TPRN: variants seen among roughly 807,000 people sequenced by gnomAD.
TPRN encodes chromosome 9 open reading frame 75.
Under a neutral mutation model 42.6 loss-of-function variants are expected in TPRN, and 32 were observed. The ratio of observed to expected loss-of-function variants is 0.75; its 90% CI spans 0.57 to 1.01. TPRN has a LOEUF of 1.01. Ranked by LOEUF, TPRN falls within the 50% of genes least tolerant of loss-of-function variation. The pLI, the probability that TPRN is intolerant of heterozygous loss-of-function variation, is 0.00. For synonymous variants in TPRN, 541 were observed against 445.6 expected (o/e 1.21, Z -2.70); for missense variants, 1,095 against 957.5 (o/e 1.14, Z -1.90).
intron 2 of TPRN, 37 bp downstream of exon 2, chr9:137,192,414 C>T (rs768423717): frequency 1.2e-6 from 2 of 1,610,912 alleles, no homozygotes; most frequent in Admixed American, 1.7e-5. Flanking sequence ...CAGGCTCCAC[C>T]CCTCCCAGGC....
Position 137,192,530 on chromosome 9 carries a change from G to A in TPRN, c.1887C>T (p.Pro629=). The change falls in exon 2 of 4, where the codon CCC becomes CCT. Residue 629 remains proline, a synonymous_variant. Coordinates refer to ENST00000409012, the MANE Select transcript of TPRN (RefSeq NM_001128228.3). The stretch of plus-strand genomic sequence containing the variant: ...TGGCCCGGGGCAGGAAGAGTGCAAA[G>A]GGCTTCTCCTCTGAGCCGGATCCCT... The part of the protein sequence containing the change: ...EEEGSGSEEK[P]FALFLPRATF... The A allele has an allele frequency of 6.2e-7, 1 of 1,608,042 alleles. No homozygotes were observed. The highest frequency in any genetic ancestry group is 8.5e-7 in the Non-Finnish European group (1 of 1,177,448).
Position 137,191,724 on chromosome 9 carries a change from A to T in TPRN, c.*388T>A. 1.3e-5 allele frequency: 5 copies of T among 373,840 alleles called. No homozygotes were observed. The highest frequency in any genetic ancestry group is 2.6e-5 in the Non-Finnish European group (5 of 192,784). The allele number at this position is 373,840 out of a possible 1,614,324, so 23.2% of individuals were successfully genotyped here. A position where few individuals can be genotyped will look rare whatever the true frequency, so the allele number is the denominator to read the frequency against. On this transcript the variant is annotated 3_prime_UTR_variant, in exon 4 of 4. Transcript: ENST00000409012. ...GCAGGGGCTTAGGGTCCTGCAGAGG[A>T]CAAGTAGCTGGGACAGCCCTTCACC...
chr9:137,199,653 C>T lies in TPRN; in HGVS notation c.1059G>A (p.Leu353=). 6.3e-7 allele frequency: 1 copy of T among 1,579,506 alleles called. No homozygotes were observed. The part of the protein sequence containing the change: ...PPPEGRQSVE[L]PKGDLGPASP... ...AGGCCGGGCCCAGGTCTCCCTTTGG[C>T]AGCTCCACGGACTGCCTCCCCTCAG... Residue 353 remains leucine, a synonymous_variant, in exon 1 of 4, where the codon CTG becomes CTA. Coordinates refer to ENST00000409012, the MANE Select transcript of TPRN (RefSeq NM_001128228.3).
Position 137,192,527 on chromosome 9 carries a change from A to C in TPRN, c.1890T>G (p.Phe630Leu). Residue 630 changes from phenylalanine (F) to leucine (L), a missense_variant, in exon 2 of 4, where the codon TTT becomes TTG. By Grantham distance (22) the Phe-to-Leu change is conservative (BLOSUM62 0). Coordinates refer to ENST00000409012, the MANE Select transcript of TPRN (RefSeq NM_001128228.3). The part of the protein sequence containing the change: ...EEGSGSEEKP[F>L]ALFLPRATFV... ...ACGTGGCCCGGGGCAGGAAGAGTGC[A>C]AAGGGCTTCTCCTCTGAGCCGGATC... 6.2e-7 allele frequency: 1 copy of C among 1,607,670 alleles called. No homozygotes were observed. The highest frequency in any genetic ancestry group is 8.5e-7 in the Non-Finnish European group (1 of 1,177,298).
In TPRN at chr9:137,199,785, G is replaced by A. The variant is rs1039638720; in HGVS notation, c.927C>T (p.Thr309=). 4 of 1,608,426 alleles carry A rather than the reference G, an allele frequency of 2.5e-6. No individual in the cohort carries two copies. Among genetic ancestry groups the A allele is most frequent in the Non-Finnish European group, 3.4e-6 (4 of 1,178,194 alleles). ...GGGCCTGGAGGTCCCCCAAGGGGAT[G>A]GTCTCCATAACTGGCTTGGGGGCCG... The part of the protein sequence containing the change: ...IRPAPKPVME[T]IPLGDLQARA... Residue 309 remains threonine (T), a synonymous_variant, in exon 1 of 4, where the codon ACC becomes ACT. Transcript: ENST00000409012.
Position 137,199,097 on chromosome 9 carries a change from C to T in TPRN, c.1615G>A (p.Gly539Arg). The T allele has an allele frequency of 6.2e-7, 1 of 1,613,272 alleles. No homozygotes were observed. Among genetic ancestry groups the T allele is most frequent in the Non-Finnish European group, 8.5e-7 (1 of 1,179,994 alleles). Reference sequence around the variant, plus strand: ...GGGTAGCGCTTCTTCAACGTGGGCCCCAGGAGGCAACTAGCCTCCTCCTCC... The same window carrying T: ...GGGTAGCGCTTCTTCAACGTGGGCCTCAGGAGGCAACTAGCCTCCTCCTCC... ...AEEEEASCLLGPTLKKRYPTV... is the reference protein window; with the variant it reads ...AEEEEASCLLRPTLKKRYPTV... The change falls in exon 1 of 4, where the codon GGG becomes AGG. Residue 539 changes from glycine (G) to arginine (R), a missense_variant. Physicochemically the swap from Gly to Arg is moderately radical, Grantham distance 125. Transcript: ENST00000409012.
chr9:137,192,525 G>A lies in TPRN; in HGVS notation c.1892C>T (p.Ala631Val). Residue 631 changes from alanine (A) to valine (V), a missense_variant, in exon 2 of 4, where the codon GCA (alanine) becomes GTA (valine). Physicochemically the swap from Ala to Val is moderately conservative, Grantham distance 64 (BLOSUM62 0). Coordinates refer to ENST00000409012, the MANE Select transcript of TPRN (RefSeq NM_001128228.3). ...AAACGTGGCCCGGGGCAGGAAGAGT[G>A]CAAAGGGCTTCTCCTCTGAGCCGGA... ...EGSGSEEKPF[A>V]LFLPRATFVS... is the part of the protein sequence containing the mutation. The A allele has an allele frequency of 6.2e-7, 1 of 1,607,374 alleles. No homozygotes were observed. Among genetic ancestry groups the A allele is most frequent in the Non-Finnish European group, 8.5e-7 (1 of 1,177,098 alleles).
chr9:137,192,423 G>A (rs532572870), intron 2 of TPRN, 28 bp downstream of exon 2: 2 of 1,609,812 alleles, frequency 1.2e-6, no homozygotes, highest in African/African-American at 2.7e-5. Context: ...CCCCTCCCAG[G>A]CTGCCTGTCC....
In TPRN at chr9:137,200,340, C is replaced by G. The variant is rs1834786780; in HGVS notation, c.372G>C (p.Leu124=). ...CGCGGCCGGGCGGCGCCCCGTACAC[C>G]AGCACCTCGGCGGCGCGGATCTGCG... ...GAAQIRAAEV[L]VYGAPPGRVS... The change falls in exon 1 of 4, where the codon CTG becomes CTC. Residue 124 remains leucine, a synonymous_variant. Coordinates refer to ENST00000409012, the MANE Select transcript of TPRN (RefSeq NM_001128228.3). The surrounding 1 kb of genome is among the most constrained non-coding windows in gnomAD (Gnocchi z 4.3). 1 of 1,031,424 alleles carries G rather than the reference C, an allele frequency of 9.7e-7. No individual in the cohort carries two copies. Among genetic ancestry groups the G allele is most frequent in the African/African-American group, 1.8e-5 (1 of 56,676 alleles). 63.9% of individuals were successfully genotyped at this position (1,031,424 alleles called of 1,614,324 possible). A position where few individuals can be genotyped will look rare whatever the true frequency, so the allele number is the denominator to read the frequency against.
intron 1 of TPRN, chr9:137,194,645 GGCGGT>G (rs1301798679): frequency 6.6e-6 from 1 of 152,312 alleles, no homozygotes; most frequent in East Asian, 1.9e-4. Flanking sequence ...AGCCTGGCCA[GGCGGT>G]GCGGGGCGGG....
In TPRN at chr9:137,200,602, G is replaced by A; in HGVS notation, c.110C>T (p.Ala37Val). 8.6e-7 allele frequency: 1 copy of A among 1,158,342 alleles called. No individual in the cohort carries two copies. Among genetic ancestry groups the A allele is most frequent in the Non-Finnish European group, 1.1e-6 (1 of 944,426 alleles). The allele number at this position is 1,158,342 out of a possible 1,614,324, so 71.8% of individuals were successfully genotyped here. The stretch of plus-strand genomic sequence containing the variant: ...CTCGGGCTCCGCCGCCCCGGGCCCC[G>A]CGCCCCCGCCCAGCGCGGCTAGCTT... ...RAKLAALGGG[A>V]GPGAAEPEQR... Residue 37 changes from alanine to valine, a missense_variant, in exon 1 of 4, where the codon GCG becomes GTG. Physicochemically the swap from Ala to Val is moderately conservative, Grantham distance 64. Coordinates refer to ENST00000409012, the MANE Select transcript of TPRN (RefSeq NM_001128228.3). The surrounding 1 kb of genome is among the most constrained non-coding windows in gnomAD (Gnocchi z 4.3).
In TPRN at chr9:137,200,638, C is replaced by T. The variant is rs1216471747; in HGVS notation, c.74G>A (p.Arg25Gln). The part of the protein sequence containing the change: ...VPAWKREILE[R>Q]KRAKLAALGG... ...CAGCGCGGCTAGCTTGGCCCGCTTC[C>T]GCTCCAGGATCTCACGCTTCCAAGC... The change falls in exon 1 of 4, where the codon CGG becomes CAG. Residue 25 changes from arginine to glutamine, a missense_variant. Arg to Gln is a conservative substitution (Grantham distance 43). Coordinates refer to ENST00000409012, the MANE Select transcript of TPRN (RefSeq NM_001128228.3). The surrounding 1 kb of genome is among the most constrained non-coding windows in gnomAD (Gnocchi z 4.3). 8.3e-7 allele frequency: 1 copy of T among 1,204,970 alleles called. No individual in the cohort carries two copies. Among genetic ancestry groups the T allele is most frequent in the Non-Finnish European group, 1.0e-6 (1 of 965,500 alleles). 74.6% of individuals were successfully genotyped at this position (1,204,970 alleles called of 1,614,324 possible).
intron 1 of TPRN, among the ~76,000 whole-genome samples, chr9:137,196,936 C>T (rs1443983978): frequency 6.6e-6 from 1 of 152,222 alleles, no homozygotes; most frequent in Non-Finnish European, 1.5e-5. Flanking sequence ...GACCCCCACC[C>T]CTTCAGGCTG....
In TPRN at chr9:137,192,006, A is replaced by T; in HGVS notation, c.*106T>A. On this transcript the variant is annotated 3_prime_UTR_variant, in exon 4 of 4. Coordinates refer to ENST00000409012, the MANE Select transcript of TPRN (RefSeq NM_001128228.3). The stretch of plus-strand genomic sequence containing the variant: ...CAGGGCCAGGAGGGGTGGGTGGGAT[A>T]CAGTGAGGCCAAACAAGGCAGAAGC... The T allele has an allele frequency of 1.4e-6, 2 of 1,387,956 alleles. No individual in the cohort carries two copies. The highest frequency in any genetic ancestry group is 2.0e-6 in the Non-Finnish European group (2 of 1,003,650). 86.0% of individuals were successfully genotyped at this position (1,387,956 alleles called of 1,614,324 possible).
At position 137,192,252 on chromosome 9, in the gene TPRN, A is replaced by G. The variant is rs144233844; in HGVS notation, c.2073+7T>C. 7.4e-6 allele frequency: 12 copies of G among 1,613,006 alleles called. No individual in the cohort carries two copies. The African/African-American group carries it at 1.6e-4, about 22-fold the overall frequency. ...TCCCCCCAGCGCTCCACTCCCCCGC[A>G]TCTCACCATGGCCTCCACGGGCGGG... On this transcript the variant is annotated splice_region_variant and intron_variant, in intron 3 of 3. Transcript: ENST00000409012.
rs1261526063 is a variant in TPRN at position 137,200,183 on chromosome 9, G to T, written c.529C>A (p.Pro177Thr). 1 of 1,025,104 alleles carries T rather than the reference G, an allele frequency of 9.8e-7. No homozygotes were observed. The highest frequency in any genetic ancestry group is 1.7e-5 in the African/African-American group (1 of 57,404). 63.5% of individuals were successfully genotyped at this position (1,025,104 alleles called of 1,614,324 possible). Residue 177 changes from proline to threonine, a missense_variant, in exon 1 of 4, where the codon CCC (proline) becomes ACC (threonine). Transcript: ENST00000409012. The surrounding 1 kb of genome is among the most constrained non-coding windows in gnomAD (Gnocchi z 4.3). ...CCACCGCGGGGCCCGGGCGCGGCGG[G>T]CGGGCTGGGGGCCGCGGGCGGGGGC... is the stretch of plus-strand genomic sequence containing the variant. ...PRPPPAAPSP[P>T]AAPGPRGGGA... is the part of the protein sequence containing the mutation.
Position 137,192,008 on chromosome 9 carries a change from A to G in TPRN, c.*104T>C. On this transcript the variant is annotated 3_prime_UTR_variant, in exon 4 of 4. Coordinates refer to ENST00000409012, the MANE Select transcript of TPRN (RefSeq NM_001128228.3). ...GGGCCAGGAGGGGTGGGTGGGATAC[A>G]GTGAGGCCAAACAAGGCAGAAGCGG... is the stretch of plus-strand genomic sequence containing the variant. The G allele has an allele frequency of 7.0e-7, 1 of 1,419,010 alleles. No homozygotes were observed. Among genetic ancestry groups the G allele is most frequent in the Non-Finnish European group, 9.7e-7 (1 of 1,030,598 alleles). The allele number at this position is 1,419,010 out of a possible 1,614,324, so 87.9% of individuals were successfully genotyped here. A position where few individuals can be genotyped will look rare whatever the true frequency, so the allele number is the denominator to read the frequency against.
chr9:137,199,047 A>C lies in TPRN; in HGVS notation c.1665T>G (p.Ile555Met), dbSNP rs1834748909. Residue 555 changes from isoleucine to methionine, a missense_variant, in exon 1 of 4, where the codon ATT (isoleucine) becomes ATG (methionine). Physicochemically the swap from Ile to Met is conservative, Grantham distance 10 (BLOSUM62 1). Coordinates refer to ENST00000409012, the MANE Select transcript of TPRN (RefSeq NM_001128228.3). ...ACTTCTGCAGGGCCAGGTAGCCGCC[A>C]ATCACCTCGATCTCATGCACGGTGG... ...RYPTVHEIEV[I>M]GGYLALQKSC... 6.2e-7 allele frequency: 1 copy of C among 1,613,228 alleles called. No homozygotes were observed. Among genetic ancestry groups the C allele is most frequent in the Non-Finnish European group, 8.5e-7 (1 of 1,179,978 alleles).
intron 1 of TPRN, among the ~76,000 whole-genome samples, chr9:137,195,811 G>A (rs1588773657): frequency 2.0e-5 from 3 of 152,324 alleles, no homozygotes; most frequent in South Asian, 2.1e-4. Context: ...CTACAGCGCC[G>A]AGTCTCAAGG....
Sources: gnomAD v4.1 joint callset for allele counts (sites outside exome capture counted in the v4.1 genomes callset) on GRCh38, gnomAD v4.1.1 for gene constraint, Gnocchi (gnomAD v3.1) non-coding constraint, MANE v1.5 for transcripts, NCBI Gene and HGNC (gene_info 2026-07-23, HGNC 2026-07-21) for gene names.